Variants in CHD9 observed in about 807,000 individuals in gnomAD.
CHD9 encodes chromodomain helicase DNA binding protein 9, also known as ATP-dependent chromatin remodeler CHD9.
CHD9 carries 77 observed loss-of-function variants against 316.1 expected under a neutral mutation model. The observed-to-expected ratio is 0.24, with a 90% confidence interval of 0.20 to 0.29. The LOEUF is 0.29. CHD9 is among the 10% of genes least tolerant of loss of function. The probability of loss-of-function intolerance (pLI) is 1.00; values close to 1 mark genes in which losing one functional copy is unlikely to be tolerated. For missense variants in CHD9, 2,763 were observed against 3,438.1 expected (o/e 0.80, Z 4.91); for synonymous variants, 1,129 against 1,158.3 (o/e 0.97, Z 0.51).
chr16:53,126,670 T>G (rs1254305495), intron 1 of CHD9, among the ~76,000 whole-genome samples: 1 of 151,564 alleles, frequency 6.6e-6, no homozygotes, highest in Non-Finnish European at 1.5e-5. Flanking sequence ...TCATTCTTTC[T>G]TTCGTTCTTT....
At chr16:53,240,842 A>G (rs573271211) in intron 12 of CHD9, among the ~76,000 whole-genome samples, 27 of 152,264 alleles carry the variant, frequency 1.8e-4, no homozygotes, top group South Asian at 6.2e-4. Context: ...TGTAAAATAG[A>G]TAGTATTATC....
chr16:53,235,361 T>C, intron 11 of CHD9, 55 bp downstream of exon 11: 1 of 1,274,730 alleles, frequency 7.8e-7, no homozygotes, highest in South Asian at 1.5e-5. Context: ...TGCCAAAATG[T>C]GTCAAGTAAA....
intron 2 of CHD9, among the ~76,000 whole-genome samples, chr16:53,186,500 T>A (rs2044022148): frequency 6.6e-6 from 1 of 152,212 alleles, no homozygotes. Context: ...GACTTTGGAC[T>A]GTGGACTTTT....
intron 22 of CHD9, among the ~76,000 whole-genome samples, chr16:53,269,292 G>A (rs1283876688): frequency 1.3e-5 from 2 of 151,982 alleles, no homozygotes; most frequent in Non-Finnish European, 2.9e-5. Flanking sequence ...GAATTACTAT[G>A]CCCTTAAATT....
At chr16:53,131,544 C>G (rs972891355) in intron 1 of CHD9, among the ~76,000 whole-genome samples, 2 of 151,128 alleles carry the variant, frequency 1.3e-5, no homozygotes, top group Non-Finnish European at 3.0e-5. Context: ...CGGCCCACAG[C>G]CCCCGGGGTC....
At position 53,303,969 on chromosome 16, in the gene CHD9, G is replaced by A. The variant is rs373781263; in HGVS notation, c.5963G>A (p.Arg1988His). ...AGCCGAACAGACTATCACATTCTTC[G>A]TGATCCTGAACTCTCATTTATGGCA... Reference protein sequence around the residue: ...GVSRTDYHILRDPELSFMAAQ... With the variant: ...GVSRTDYHILHDPELSFMAAQ... The change falls in exon 31 of 39, where the codon CGT (arginine) becomes CAT (histidine). Residue 1988 changes from arginine to histidine, a missense_variant. Transcript: ENST00000447540. 7.4e-6 allele frequency: 12 copies of A among 1,613,994 alleles called. No individual in the cohort carries two copies. Among genetic ancestry groups the A allele is most frequent in the South Asian group, 3.3e-5 (3 of 91,082 alleles).
intron 1 of CHD9, among the ~76,000 whole-genome samples, chr16:53,140,553 T>C (rs2040034923): frequency 6.6e-6 from 1 of 152,154 alleles, no homozygotes; most frequent in Non-Finnish European, 1.5e-5. Flanking sequence ...AGCCCAAAAT[T>C]CGTTACCCTC....
intron 1 of CHD9, among the ~76,000 whole-genome samples, chr16:53,094,678 C>T (rs1185509201): frequency 7.1e-6 from 1 of 140,244 alleles, no homozygotes; most frequent in East Asian, 2.1e-4. Context: ...CTTCCTCTGT[C>T]GCCCAGGCTG....
rs1230621669 is a variant in CHD9 at position 53,325,876 on chromosome 16, A to G, written c.*981A>G. ...TAGATTTCTATTTGTGTTTTATGTC[A>G]TGGAAATATTCCAGAATTAACAGAT... On this transcript the variant is annotated 3_prime_UTR_variant, in exon 39 of 39. Coordinates refer to ENST00000447540, the MANE Select transcript of CHD9 (RefSeq NM_001308319.2). 1 of 150,202 alleles carries G rather than the reference A, an allele frequency of 6.7e-6. No homozygotes were observed. Among genetic ancestry groups the G allele is most frequent in the Non-Finnish European group, 1.5e-5 (1 of 66,972 alleles). The allele number at this position is 150,202 out of a possible 1,614,324, so 9.3% of individuals were successfully genotyped here.
At chr16:53,208,605 G>A in intron 2 of CHD9, 1 of 1,001,234 alleles carries the variant, frequency 1.0e-6, no homozygotes, top group South Asian at 4.1e-5. Flanking sequence ...TGATGAGGCA[G>A]GTATAGAAAA....
At chr16:53,131,332 C>CGCCGCCGCT (rs2039283367) in intron 1 of CHD9, 2 of 142,604 alleles carry the variant, frequency 1.4e-5, no homozygotes, top group Non-Finnish European at 2.9e-5. Flanking sequence ...CCGCCGCCGC[C>CGCCGCCGCT]GCTGCTCGGC....
chr16:53,173,688 G>T (rs1184385682), intron 2 of CHD9, among the ~76,000 whole-genome samples: 1 of 151,984 alleles, frequency 6.6e-6, no homozygotes, highest in African/African-American at 2.4e-5. Flanking sequence ...GGGACTACGG[G>T]TGCCCGCCAC....
Position 53,314,495 on chromosome 16 carries a change from C to T in CHD9, c.7341C>T (p.Asn2447=), listed in dbSNP as rs988797508. 1.3e-6 allele frequency: 2 copies of T among 1,575,276 alleles called. No homozygotes were observed. The highest frequency in any genetic ancestry group is 2.7e-5 in the African/African-American group (2 of 73,914). ...NVEGVDIFFF[N]RNKPPNHVSL... ...AAGGTGTTGACATCTTCTTTTTTAA[C>T]AGAAATAAACCACCTAATCATGTAA... Residue 2447 remains asparagine, a synonymous_variant, in exon 35 of 39, where the codon AAC becomes AAT. Coordinates refer to ENST00000447540, the MANE Select transcript of CHD9 (RefSeq NM_001308319.2).
In CHD9 at chr16:53,267,912, AC is replaced by A. The variant is rs747733656; in HGVS notation, c.4518-13del. ...CTTGACTCAATATCAATGTAACTAT[AC>A]CTTTTTTAACCAGGTGGGGCCGATG... On this transcript the variant is annotated splice_polypyrimidine_tract_variant and intron_variant, in intron 21 of 38. Coordinates refer to ENST00000447540, the MANE Select transcript of CHD9 (RefSeq NM_001308319.2). The A allele has an allele frequency of 4.3e-6, 7 of 1,609,456 alleles. No individual in the cohort carries two copies. The highest frequency in any genetic ancestry group is 5.1e-6 in the Non-Finnish European group (6 of 1,176,132).
At chr16:53,188,376 C>A in intron 2 of CHD9, among the ~76,000 whole-genome samples, 1 of 151,962 alleles carries the variant, frequency 6.6e-6, no homozygotes, top group Non-Finnish European at 1.5e-5. Flanking sequence ...TTATGTTTGA[C>A]CTTTTGGGTA....
chr16:53,307,908 G>A lies in CHD9; in HGVS notation c.7008G>A (p.Val2336=). ...EHDQSTQMSK[V]KKHVREKEFT... ...ATCAGTCAACACAGATGTCAAAGGTGAAGAAGCATGTACGAGAAAAGGAGT... is the reference window on the plus strand; with the variant it reads ...ATCAGTCAACACAGATGTCAAAGGTAAAGAAGCATGTACGAGAAAAGGAGT... Residue 2336 remains valine, a synonymous_variant, in exon 33 of 39, where the codon GTG becomes GTA. Coordinates refer to ENST00000447540, the MANE Select transcript of CHD9 (RefSeq NM_001308319.2). 4 of 1,613,192 alleles carry A rather than the reference G, an allele frequency of 2.5e-6. No individual in the cohort carries two copies. The highest frequency in any genetic ancestry group is 3.4e-6 in the Non-Finnish European group (4 of 1,179,624).
At chr16:53,093,123 T>C (rs551441222) in intron 1 of CHD9, among the ~76,000 whole-genome samples, 2 of 152,190 alleles carry the variant, frequency 1.3e-5, no homozygotes, top group Non-Finnish European at 2.9e-5. Context: ...GAGAAAGATA[T>C]CAAAATTCAG....
intron 1 of CHD9, among the ~76,000 whole-genome samples, chr16:53,071,646 C>T (rs555282686): frequency 3.7e-4 from 56 of 152,280 alleles, no homozygotes; most frequent in African/African-American, 1.3e-3. Context: ...GACCCCAGAG[C>T]CCCAGCATCA....
chr16:53,183,511 C>T (rs571474997), intron 2 of CHD9, among the ~76,000 whole-genome samples: 100 of 152,088 alleles, frequency 6.6e-4, no homozygotes, highest in African/African-American at 2.4e-3. Flanking sequence ...ACATTTATTC[C>T]CGTTTAATGA....
Sources: gnomAD v4.1 joint callset for allele counts (sites outside exome capture counted in the v4.1 genomes callset) on GRCh38, gnomAD v4.1.1 for gene constraint, MANE v1.5 for transcripts, NCBI Gene and HGNC (gene_info 2026-07-23, HGNC 2026-07-21) for gene names.